The following ELAVL2 variants were observed in gnomAD, a reference collection of about 807,000 sequenced individuals.
The protein encoded by ELAVL2 is ELAV like RNA binding protein 2, also known as ELAV-like protein 2.
ELAVL2 carries 4 observed loss-of-function variants against 34.6 expected under a neutral mutation model. That is an observed-to-expected ratio of 0.12 (90% CI 0.06 to 0.26). The LOEUF (loss-of-function observed/expected upper bound fraction) is 0.26. Ranked by LOEUF, ELAVL2 falls within the 10% of genes least tolerant of loss-of-function variation. The pLI is 1.00. For synonymous variants in ELAVL2, 193 were observed against 154.8 expected, an observed-to-expected ratio of 1.25 and a Z score of -1.83; for missense variants, 432 against 442.8, an observed-to-expected ratio of 0.98 and a Z score of 0.22.
At chr9:23,749,698 G>A (rs758515772) in intron 2 of ELAVL2, among the ~76,000 whole-genome samples, 6 of 152,086 alleles carry the variant, frequency 3.9e-5, no homozygotes, top group Non-Finnish European at 7.4e-5. Context: ...TTAGCCTCCG[G>A]TGAACATTTC....
intron 5 of ELAVL2, among the ~76,000 whole-genome samples, chr9:23,698,758 T>G (rs1294487459): frequency 6.6e-6 from 1 of 151,464 alleles, no homozygotes; most frequent in Non-Finnish European, 1.5e-5. Flanking sequence ...GAAGGGGGAG[T>G]GGGGCGGAAA....
chr9:23,716,683 C>T lies in ELAVL2; in HGVS notation c.334-11612G>A, dbSNP rs148297835. ...ATCCCGTTGCCCTCAGAGAGCAGACCACCAAATAGATGAGAAAGGAAATGT... is the reference window on the plus strand; with the variant it reads ...ATCCCGTTGCCCTCAGAGAGCAGACTACCAAATAGATGAGAAAGGAAATGT... On this transcript the variant is annotated intron_variant, in intron 3 of 6. Coordinates refer to ENST00000397312, the MANE Select transcript of ELAVL2 (RefSeq NM_004432.5). 8.2e-3 allele frequency among the ~76,000 whole-genome samples: 1,252 copies of T among 152,212 alleles called. 58 individuals are homozygous for T. Among genetic ancestry groups the T allele is most frequent in the Admixed American group, 0.071 (1,083 of 15,292 alleles).
upstream of ELAVL2, among the ~76,000 whole-genome samples, chr9:23,828,036 A>C (rs1483596315): frequency 3.3e-5 from 5 of 152,136 alleles, no homozygotes; most frequent in African/African-American, 1.2e-4. Context: ...ACCTGGGTGA[A>C]ACTCACAGCA....
At chr9:23,798,989 T>C (rs150978737) in intron 1 of ELAVL2, among the ~76,000 whole-genome samples, 1 of 152,222 alleles carries the variant, frequency 6.6e-6, no homozygotes, top group Non-Finnish European at 1.5e-5. Context: ...TTCCTTGATA[T>C]GTGTACAAAA....
chr9:23,812,920 T>C (rs982171723), intron 1 of ELAVL2, among the ~76,000 whole-genome samples: 3 of 152,118 alleles, frequency 2.0e-5, no homozygotes, highest in Non-Finnish European at 4.4e-5. Context: ...CAGGGTTTTA[T>C]GGGCATTGTT....
At chr9:23,816,910 TTTTCAAC>T (rs2063793517) in intron 1 of ELAVL2, among the ~76,000 whole-genome samples, 1 of 152,168 alleles carries the variant, frequency 6.6e-6, no homozygotes, top group Non-Finnish European at 1.5e-5. Context: ...CTTAATGCCA[TTTTCAAC>T]TTGCAATGGG....
intron 1 of ELAVL2, among the ~76,000 whole-genome samples, chr9:23,778,696 G>C (rs1447709734): frequency 6.6e-6 from 1 of 152,144 alleles, no homozygotes; most frequent in Non-Finnish European, 1.5e-5. Context: ...CTGGGGGAGG[G>C]AGGGGGTTTT....
intron 5 of ELAVL2, 113 bp from the exon 6 acceptor site, chr9:23,693,599 G>A: frequency 1.6e-6 from 2 of 1,266,010 alleles, no homozygotes; most frequent in East Asian, 2.3e-5. Flanking sequence ...CTGATTATAT[G>A]TGAAGACTCA....
intron 2 of ELAVL2, among the ~76,000 whole-genome samples, chr9:23,758,515 A>G (rs978395198): frequency 1.3e-5 from 2 of 152,144 alleles, no homozygotes; most frequent in Non-Finnish European, 2.9e-5. Flanking sequence ...AGAAGTTGAG[A>G]TGCCTAGTGT....
At chr9:23,747,056 C>T (rs1248935425) in intron 2 of ELAVL2, among the ~76,000 whole-genome samples, 3 of 152,180 alleles carry the variant, frequency 2.0e-5, no homozygotes, top group East Asian at 3.9e-4. Flanking sequence ...TTCCACTAGC[C>T]GAGTACAGTA....
At chr9:23,727,189 C>T (rs540322438) in intron 3 of ELAVL2, among the ~76,000 whole-genome samples, 2 of 152,218 alleles carry the variant, frequency 1.3e-5, no homozygotes, top group Non-Finnish European at 2.9e-5. Context: ...TGTCATTTCA[C>T]CAGCAAGGTA....
chr9:23,802,085 TC>T (rs2061633434), intron 1 of ELAVL2, among the ~76,000 whole-genome samples: 1 of 152,142 alleles, frequency 6.6e-6, no homozygotes, highest in Non-Finnish European at 1.5e-5. Flanking sequence ...TCTATACACA[TC>T]CTGGGTACCA....
chr9:23,752,613 T>A (rs1313794767), intron 2 of ELAVL2, among the ~76,000 whole-genome samples: 1 of 151,790 alleles, frequency 6.6e-6, no homozygotes, highest in Non-Finnish European at 1.5e-5. Flanking sequence ...CAGCACCAAG[T>A]CTAGCTAATT....
intron 2 of ELAVL2, among the ~76,000 whole-genome samples, chr9:23,746,500 G>A (rs1226415463): frequency 6.6e-6 from 1 of 152,120 alleles, no homozygotes; most frequent in Non-Finnish European, 1.5e-5. Flanking sequence ...GTAGTAGGAA[G>A]TAAAACTACC....
chr9:23,723,259 A>G lies in ELAVL2; in HGVS notation c.333+7763T>C, dbSNP rs561613775. Among the ~76,000 whole-genome samples, 42 of 152,286 alleles carry G rather than the reference A, an allele frequency of 2.8e-4. No individual in the cohort carries two copies. In the East Asian group the frequency reaches 7.7e-3, roughly 28 times the overall value. On this transcript the variant is annotated intron_variant, in intron 3 of 6. Transcript: ENST00000397312. Reference sequence around the variant, plus strand: ...TGCAGCCATAAAAAATGATGAGTTCATGTCCTTTGTAGGGACATGGATGAA... The same window carrying G: ...TGCAGCCATAAAAAATGATGAGTTCGTGTCCTTTGTAGGGACATGGATGAA...
intron 1 of ELAVL2, among the ~76,000 whole-genome samples, chr9:23,786,059 G>C (rs1319984805): frequency 6.6e-6 from 1 of 152,138 alleles, no homozygotes. Context: ...GAACTTGAGA[G>C]ACTTCTAAGT....
At chr9:23,802,897 CTATT>C (rs2061743185) in intron 1 of ELAVL2, among the ~76,000 whole-genome samples, 1 of 151,438 alleles carries the variant, frequency 6.6e-6, no homozygotes, top group Admixed American at 6.5e-5. Flanking sequence ...AATGGGTTTG[CTATT>C]TAAACAGGTT....
chr9:23,768,725 A>C (rs1418347798), intron 1 of ELAVL2, among the ~76,000 whole-genome samples: 3 of 152,190 alleles, frequency 2.0e-5, no homozygotes, highest in African/African-American at 4.8e-5. Context: ...CCTGGAAGAC[A>C]AGACAAATCC....
intron 1 of ELAVL2, among the ~76,000 whole-genome samples, chr9:23,775,426 G>C (rs1173276861): frequency 6.6e-6 from 1 of 152,064 alleles, no homozygotes; most frequent in Non-Finnish European, 1.5e-5. Context: ...TTACAAATGA[G>C]AATTTCAAAA....
Sources: gnomAD v4.1 joint callset for allele counts (sites outside exome capture counted in the v4.1 genomes callset) on GRCh38, gnomAD v4.1.1 for gene constraint, MANE v1.5 for transcripts, NCBI Gene and HGNC (gene_info 2026-07-23, HGNC 2026-07-21) for gene names.